The following ZMAT4 variants were observed in gnomAD, a reference collection of about 807,000 sequenced individuals.
ZMAT4 encodes the protein zinc finger matrin-type 4, also known as zinc finger matrin-type protein 4.
ZMAT4 carries 17 observed loss-of-function variants against 28.7 expected under a neutral mutation model. The observed-to-expected ratio is 0.59, with a 90% confidence interval of 0.41 to 0.89. The LOEUF is 0.89. ZMAT4 is among the 40% of genes least tolerant of loss of function. The probability of loss-of-function intolerance (pLI) is 0.00; values close to 1 mark genes in which losing one functional copy is unlikely to be tolerated. For missense variants in ZMAT4, 240 were observed against 283.8 expected (o/e 0.85, Z 1.11); for synonymous variants, 117 against 109.2 (o/e 1.07, Z -0.44).
chr8:40,862,244 A>T, intron 1 of ZMAT4, among the ~76,000 whole-genome samples: 1 of 152,098 alleles, frequency 6.6e-6, no homozygotes, highest in Non-Finnish European at 1.5e-5. Flanking sequence ...GCAGCCATAA[A>T]AAAGGATGAG....
chr8:40,894,139 C>G lies in ZMAT4; in HGVS notation c.-5+3544G>C, dbSNP rs113668544. On this transcript the variant is annotated intron_variant, in intron 1 of 6. Coordinates refer to ENST00000297737, the MANE Select transcript of ZMAT4 (RefSeq NM_024645.3). ...ATGGGGCTGCAGCAGGCGCAGGCCT[C>G]AGGACAGTGGCACAGTGAGGGCTTG... is the stretch of plus-strand genomic sequence containing the variant. 3.0e-3 allele frequency among the ~76,000 whole-genome samples: 464 copies of G among 152,348 alleles called. 4 individuals are homozygous for G. Among genetic ancestry groups the G allele is most frequent in the African/African-American group, 0.011 (447 of 41,578 alleles).
intron 5 of ZMAT4, among the ~76,000 whole-genome samples, chr8:40,661,643 G>T (rs984202746): frequency 1.3e-5 from 2 of 152,152 alleles, no homozygotes; most frequent in Non-Finnish European, 2.9e-5. Context: ...TTTCCCATTT[G>T]TTCTAGGACA....
At chr8:40,825,360 G>A (rs1815993711) in intron 2 of ZMAT4, among the ~76,000 whole-genome samples, 2 of 152,098 alleles carry the variant, frequency 1.3e-5, no homozygotes, top group Admixed American at 1.3e-4. Flanking sequence ...AAGGATCTGG[G>A]AAGCAGCCAG....
Position 40,755,831 on chromosome 8 carries a change from T to C in ZMAT4, c.192+11810A>G, listed in dbSNP as rs1018140463. Among the ~76,000 whole-genome samples the C allele has an allele frequency of 3.3e-5, 5 of 152,200 alleles. No individual in the cohort carries two copies. The East Asian group carries it at 5.8e-4, about 18-fold the overall frequency. ...TTTCAAACATTAAAAATTTTTAAAATAATTCCTAGCTTACAGACCACACAA... is the reference window on the plus strand; with the variant it reads ...TTTCAAACATTAAAAATTTTTAAAACAATTCCTAGCTTACAGACCACACAA... On this transcript the variant is annotated intron_variant, in intron 3 of 6. Coordinates refer to ENST00000297737, the MANE Select transcript of ZMAT4 (RefSeq NM_024645.3).
At chr8:40,829,113 G>C (rs893233948) in intron 1 of ZMAT4, among the ~76,000 whole-genome samples, 3 of 152,136 alleles carry the variant, frequency 2.0e-5, no homozygotes, top group Non-Finnish European at 4.4e-5. Flanking sequence ...CCTCCCCCTG[G>C]AAACATTCGT....
chr8:40,563,286 G>T (rs1183510388), intron 6 of ZMAT4, among the ~76,000 whole-genome samples: 2 of 152,118 alleles, frequency 1.3e-5, no homozygotes, highest in Admixed American at 6.5e-5. Flanking sequence ...GGTATATAAA[G>T]TCAGTCTCAA....
At chr8:40,667,140 T>A (rs996824445) in intron 5 of ZMAT4, among the ~76,000 whole-genome samples, 1 of 151,902 alleles carries the variant, frequency 6.6e-6, no homozygotes, top group Admixed American at 6.6e-5. Context: ...TAATTTCTTT[T>A]TTTTTTATTT....
chr8:40,788,412 G>T (rs1814176114), intron 2 of ZMAT4, among the ~76,000 whole-genome samples: 1 of 152,062 alleles, frequency 6.6e-6, no homozygotes, highest in Non-Finnish European at 1.5e-5. Flanking sequence ...GCGAAACCCT[G>T]TCTCTACTAA....
intron 5 of ZMAT4, among the ~76,000 whole-genome samples, chr8:40,584,314 A>G (rs1804590224): frequency 6.6e-6 from 1 of 152,154 alleles, no homozygotes; most frequent in African/African-American, 2.4e-5. Flanking sequence ...AAAGAAGAAA[A>G]GCAAAAGCTC....
At chr8:40,737,384 A>G (rs988971451) in intron 3 of ZMAT4, among the ~76,000 whole-genome samples, 1 of 152,186 alleles carries the variant, frequency 6.6e-6, no homozygotes, top group Non-Finnish European at 1.5e-5. Flanking sequence ...GTGGGTCAGA[A>G]TTTGAAAGAA....
At chr8:40,765,179 A>G (rs1006084636) in intron 3 of ZMAT4, among the ~76,000 whole-genome samples, 4 of 152,138 alleles carry the variant, frequency 2.6e-5, no homozygotes, top group Non-Finnish European at 4.4e-5. Flanking sequence ...AATGGCTTCA[A>G]TGCCCAAAAA....
intron 5 of ZMAT4, among the ~76,000 whole-genome samples, chr8:40,601,676 GAAAGAAAGAAAGAAAGAAAGAAAGAAAGA>G (rs1237039675): frequency 6.6e-5 from 2 of 30,322 alleles, no homozygotes; most frequent in African/African-American, 2.1e-4. Flanking sequence ...AAGAAAGAAA[GAAAGAAAGAAAGAAAGAAAGAAAGAAAGA>G]AAAGAAAGAA....
intron 6 of ZMAT4, among the ~76,000 whole-genome samples, chr8:40,574,884 T>C (rs1462211917): frequency 6.6e-6 from 1 of 152,218 alleles, no homozygotes; most frequent in Non-Finnish European, 1.5e-5. Context: ...TTAGAATTCT[T>C]GTGGCTACAT....
intron 1 of ZMAT4, among the ~76,000 whole-genome samples, chr8:40,829,507 A>G (rs1816199218): frequency 6.6e-6 from 1 of 152,168 alleles, no homozygotes; most frequent in Non-Finnish European, 1.5e-5. Context: ...GCATCTAGGT[A>G]TCAGGAATAA....
At chr8:40,689,989 T>C (rs1314934312) in intron 4 of ZMAT4, among the ~76,000 whole-genome samples, 1 of 152,128 alleles carries the variant, frequency 6.6e-6, no homozygotes, top group Non-Finnish European at 1.5e-5. Flanking sequence ...AGGCTCCTTG[T>C]TAAAATCTTT....
At chr8:40,895,180 A>G (rs189949422) in intron 1 of ZMAT4, among the ~76,000 whole-genome samples, 43 of 152,284 alleles carry the variant, frequency 2.8e-4, no homozygotes, top group African/African-American at 8.4e-4. Context: ...AGTTTGGCCA[A>G]TTGGGAAGAG....
chr8:40,815,621 C>T (rs774674144), intron 2 of ZMAT4, among the ~76,000 whole-genome samples: 2 of 152,156 alleles, frequency 1.3e-5, no homozygotes, highest in Non-Finnish European at 2.9e-5. Context: ...ATGGTTCGGG[C>T]TATTTAGCAG....
At position 40,875,476 on chromosome 8, in the gene ZMAT4, C is replaced by G. The variant is rs1403130660; in HGVS notation, c.-5+22207G>C. Among the ~76,000 whole-genome samples the G allele has an allele frequency of 5.3e-5, 8 of 152,180 alleles. 1 individual carries two copies. Among genetic ancestry groups the G allele is most frequent in the African/African-American group, 1.9e-4 (8 of 41,432 alleles). On this transcript the variant is annotated intron_variant, in intron 1 of 6. Transcript: ENST00000297737. Reference sequence around the variant, plus strand: ...GTGCAAAAGGAACTGACAGTCAATACAGCATATTGGTGCTTGCAGCCACCC... The same window carrying G: ...GTGCAAAAGGAACTGACAGTCAATAGAGCATATTGGTGCTTGCAGCCACCC...
At chr8:40,566,474 G>A (rs1803929631) in intron 6 of ZMAT4, among the ~76,000 whole-genome samples, 1 of 152,028 alleles carries the variant, frequency 6.6e-6, no homozygotes, top group Non-Finnish European at 1.5e-5. Flanking sequence ...CAATTTCCAG[G>A]CTGGGATGAC....
Sources: allele counts gnomAD v4.1 joint callset (sites outside exome capture counted in the v4.1 genomes callset), GRCh38; gene constraint gnomAD v4.1.1; transcripts MANE v1.5; gene names NCBI Gene and HGNC (gene_info 2026-07-23, HGNC 2026-07-21).